Variants in MED12L observed in about 807,000 individuals in gnomAD.
MED12L encodes mediator complex subunit 12L, also known as mediator of RNA polymerase II transcription subunit 12-like protein.
A neutral mutation model predicts 281.3 loss-of-function variants in MED12L; 60 were observed. That is an observed-to-expected ratio of 0.21 (90% confidence interval 0.17 to 0.26). The LOEUF (loss-of-function observed/expected upper bound fraction) is 0.26. MED12L is among the 10% of genes least tolerant of loss of function. MED12L has a pLI of 1.00. For missense variants in MED12L, 2,146 were observed against 2,680.9 expected, an observed-to-expected ratio of 0.80 and a Z score of 4.41; for synonymous variants, 974 against 987.2, an observed-to-expected ratio of 0.99 and a Z score of 0.25.
At chr3:151,375,973 A>G in intron 27 of MED12L, 53 bp from the exon 28 acceptor site, 2 of 940,944 alleles carry the variant, frequency 2.1e-6, no homozygotes, top group Non-Finnish European at 3.1e-6. Flanking sequence ...CATATTGCAT[A>G]TATATATACC....
rs962679175 is a variant in MED12L at position 151,213,233 on chromosome 3, G to A, written c.2250+19567G>A. The A allele has an allele frequency of 2.5e-6, 3 of 1,213,098 alleles. No homozygotes were observed. The African/African-American group carries it at 4.6e-5, about 18-fold the overall frequency. The allele number at this position is 1,213,098 out of a possible 1,614,324, so 75.1% of individuals were successfully genotyped here. ...TTATGATGAGGGCACATATCTTATT[G>A]ATTTCTGTTATGTAATTGAAGATGA... On this transcript the variant is annotated intron_variant, in intron 16 of 44. Coordinates refer to ENST00000687756, the MANE Select transcript of MED12L (RefSeq NM_001393769.1).
intron 11 of MED12L, among the ~76,000 whole-genome samples, chr3:151,181,685 A>G (rs1464408027): frequency 6.6e-6 from 1 of 150,624 alleles, no homozygotes; most frequent in Non-Finnish European, 1.5e-5. Context: ...TCCTGGGTTC[A>G]AATGATTCTC....
chr3:151,292,654 C>A (rs1744420176), intron 16 of MED12L, among the ~76,000 whole-genome samples: 1 of 152,008 alleles, frequency 6.6e-6, no homozygotes, highest in African/African-American at 2.4e-5. Context: ...CTCACTGCAA[C>A]CTCCACCTCC....
At chr3:151,276,379 A>C (rs1406920035) in intron 16 of MED12L, among the ~76,000 whole-genome samples, 1 of 152,220 alleles carries the variant, frequency 6.6e-6, no homozygotes, top group Non-Finnish European at 1.5e-5. Context: ...CAATTAAAGG[A>C]AACACTCCTT....
intron 16 of MED12L, among the ~76,000 whole-genome samples, chr3:151,290,476 A>G (rs1350097505): frequency 6.6e-6 from 1 of 152,210 alleles, no homozygotes; most frequent in African/African-American, 2.4e-5. Flanking sequence ...ATTTTATTTA[A>G]CACTGGTAGT....
At chr3:151,230,165 G>A (rs898798301) in intron 16 of MED12L, among the ~76,000 whole-genome samples, 1 of 151,944 alleles carries the variant, frequency 6.6e-6, no homozygotes, top group Non-Finnish European at 1.5e-5. Context: ...TAGTAGAGAC[G>A]GGATTTCACC....
At chr3:151,164,280 C>T (rs918389653) in intron 9 of MED12L, among the ~76,000 whole-genome samples, 20 of 152,260 alleles carry the variant, frequency 1.3e-4, no homozygotes, top group Admixed American at 9.8e-4. Flanking sequence ...AGTTCTGCCA[C>T]CCAGACTGTA....
rs535826558 is a variant in MED12L at position 151,087,817 on chromosome 3, T to C, written c.99+792T>C. On this transcript the variant is annotated intron_variant, in intron 2 of 44. Coordinates refer to ENST00000687756, the MANE Select transcript of MED12L (RefSeq NM_001393769.1). ...TATCTGTTTGTCAGGAGTTAACAAGTAATTATGTAACAAGTCTCTAGTTAT... is the reference window on the plus strand; with the variant it reads ...TATCTGTTTGTCAGGAGTTAACAAGCAATTATGTAACAAGTCTCTAGTTAT... Among the ~76,000 whole-genome samples, 18 of 152,260 alleles carry C rather than the reference T, an allele frequency of 1.2e-4. No individual in the cohort carries two copies. In the East Asian group the frequency reaches 3.3e-3, roughly 28 times the overall value.
intron 16 of MED12L, chr3:151,269,844 A>G: frequency 2.2e-6 from 1 of 449,712 alleles, no homozygotes; most frequent in South Asian, 1.6e-5. Context: ...ACGCAGAGTA[A>G]AGTCAGCAGG....
intron 10 of MED12L, 36 bp downstream of exon 10, chr3:151,165,555 T>C (rs375713769): frequency 2.9e-5 from 45 of 1,535,264 alleles, no homozygotes; most frequent in Non-Finnish European, 3.7e-5. Flanking sequence ...TGCTTTTGAA[T>C]GTTGGACTTT....
chr3:151,299,751 T>C (rs1745652554), intron 16 of MED12L, among the ~76,000 whole-genome samples: 1 of 152,066 alleles, frequency 6.6e-6, no homozygotes, highest in Non-Finnish European at 1.5e-5. Context: ...TTTAGACTAT[T>C]AAATCTGGAA....
intron 16 of MED12L, among the ~76,000 whole-genome samples, chr3:151,325,954 TTTAA>T (rs1484824840): frequency 6.6e-6 from 1 of 152,208 alleles, no homozygotes; most frequent in Non-Finnish European, 1.5e-5. Flanking sequence ...GTAATGATTA[TTTAA>T]TTCTTTTATC....
At position 151,382,638 on chromosome 3, in the gene MED12L, T is replaced by C; in HGVS notation, c.4591-18T>C. 1.3e-6 allele frequency: 2 copies of C among 1,589,396 alleles called. No individual in the cohort carries two copies. The highest frequency in any genetic ancestry group is 8.6e-7 in the Non-Finnish European group (1 of 1,166,418). Reference sequence around the variant, plus strand: ...AGAAAAATTAAACTTTAATGGGGAGTTTTTTTCCGGATCTTAGATTTTAAG... The same window carrying C: ...AGAAAAATTAAACTTTAATGGGGAGCTTTTTTCCGGATCTTAGATTTTAAG... On this transcript the variant is annotated intron_variant, in intron 32 of 44. Transcript: ENST00000687756.
At chr3:151,115,327 C>CTTTTTTTTTTTTT (rs66728754) in intron 2 of MED12L, among the ~76,000 whole-genome samples, 1 of 60,806 alleles carries the variant, frequency 1.6e-5, no homozygotes, top group African/African-American at 6.0e-5. Context: ...GGAAACAATT[C>CTTTTTTTTTTTTT]TTTTTTTTTT....
Position 151,086,861 on chromosome 3 carries a change from C to T in MED12L, c.-66C>T. The stretch of plus-strand genomic sequence containing the variant: ...GAGTCTGTCTGCAAAGTGCTGCTCC[C>T]TGGTGCTCAGAGGCGGCTGCTCCAG... On this transcript the variant is annotated 5_prime_UTR_variant, in exon 2 of 45. Transcript: ENST00000687756. 1 of 1,322,222 alleles carries T rather than the reference C, an allele frequency of 7.6e-7. No individual in the cohort carries two copies. The highest frequency in any genetic ancestry group is 1.0e-6 in the Non-Finnish European group (1 of 955,364). 81.9% of individuals were successfully genotyped at this position (1,322,222 alleles called of 1,614,324 possible).
chr3:151,172,447 GGCCC>G (rs1251900126), intron 11 of MED12L, among the ~76,000 whole-genome samples: 1 of 152,182 alleles, frequency 6.6e-6, no homozygotes, highest in African/African-American at 2.4e-5. Flanking sequence ...ACTCATAGTG[GGCCC>G]CTTGGGGCTA....
chr3:151,256,615 A>G (rs1737859269), intron 16 of MED12L, among the ~76,000 whole-genome samples: 1 of 74,468 alleles, frequency 1.3e-5, no homozygotes, highest in Non-Finnish European at 2.8e-5. Context: ...AGAAATCACA[A>G]CAGACTGCTG....
chr3:151,369,536 A>C lies in MED12L; in HGVS notation c.3651A>C (p.Ala1217=), dbSNP rs563791000. The C allele has an allele frequency of 1.7e-5, 27 of 1,606,470 alleles. No individual in the cohort carries two copies. In the East Asian group the frequency reaches 3.6e-4, roughly 21 times the overall value. ...GAGCCGTGTTTGCTGTCTTAAAAGC[A>C]ATTATGATGCTTGGTAAGATTATTC... The part of the protein sequence containing the change: ...EVGAVFAVLK[A]IMMLGDAKIG... Residue 1217 remains alanine (A), a synonymous_variant, in exon 26 of 45, where the codon GCA becomes GCC. Coordinates refer to ENST00000687756, the MANE Select transcript of MED12L (RefSeq NM_001393769.1).
chr3:151,207,646 T>C (rs895127110), intron 16 of MED12L, among the ~76,000 whole-genome samples: 21 of 152,274 alleles, frequency 1.4e-4, no homozygotes, highest in Admixed American at 9.8e-4. Context: ...AATTGGGCAG[T>C]ATTAGGTGAA....
Sources: gnomAD v4.1 joint callset for allele counts (sites outside exome capture counted in the v4.1 genomes callset) on GRCh38, gnomAD v4.1.1 for gene constraint, MANE v1.5 for transcripts, NCBI Gene and HGNC (gene_info 2026-07-23, HGNC 2026-07-21) for gene names.